SGCZ: variants seen among roughly 807,000 people sequenced by gnomAD.
SGCZ encodes zeta-sarcoglycan.
In SGCZ, 40 loss-of-function variants were observed where a neutral mutation model predicts 41.3. The ratio of observed to expected loss-of-function variants is 0.97; its 90% CI spans 0.75 to 1.26. SGCZ has a LOEUF of 1.26. SGCZ is among the 50% of genes most tolerant of loss of function. The pLI is 0.00. For synonymous variants in SGCZ, 206 were observed against 137.5 expected, an observed-to-expected ratio of 1.50 and a Z score of -3.49; for missense variants, 552 against 369.8, an observed-to-expected ratio of 1.49 and a Z score of -4.04.
At chr8:15,203,608 T>A (rs1800966836) in intron 1 of SGCZ, among the ~76,000 whole-genome samples, 1 of 152,226 alleles carries the variant, frequency 6.6e-6, no homozygotes, top group African/African-American at 2.4e-5. Context: ...CAGACAAATG[T>A]GGCATTCATA....
chr8:14,217,001 A>G (rs555270055), intron 4 of SGCZ, among the ~76,000 whole-genome samples: 1 of 152,306 alleles, frequency 6.6e-6, no homozygotes, highest in African/African-American at 2.4e-5. Context: ...ATAAAGCTCT[A>G]TAGAGGATGG....
chr8:15,049,125 G>C (rs1458500479), intron 1 of SGCZ, among the ~76,000 whole-genome samples: 2 of 152,116 alleles, frequency 1.3e-5, no homozygotes, highest in Admixed American at 6.6e-5. Context: ...TGAATATAAA[G>C]GATATGAAGA....
At position 14,460,396 on chromosome 8, in the gene SGCZ, T is replaced by C. The variant is rs1800868197; in HGVS notation, c.234+94336A>G. ...TTAGGATAATGAAGGCATTTATCAA[T>C]TAAATTTATCAATATACAAGAAATT... On this transcript the variant is annotated intron_variant, in intron 2 of 7. Coordinates refer to ENST00000382080, the MANE Select transcript of SGCZ (RefSeq NM_139167.4). Among the ~76,000 whole-genome samples, 5 of 152,210 alleles carry C rather than the reference T, an allele frequency of 3.3e-5. 1 individual carries two copies. In the South Asian group the frequency reaches 1.0e-3, roughly 32 times the overall value.
chr8:14,264,653 A>G (rs1799811726), intron 3 of SGCZ, among the ~76,000 whole-genome samples: 1 of 152,182 alleles, frequency 6.6e-6, no homozygotes, highest in African/African-American at 2.4e-5. Context: ...AATCTCGTGA[A>G]GAACAAGCAC....
chr8:14,818,166 C>G (rs1801963579), intron 1 of SGCZ, among the ~76,000 whole-genome samples: 2 of 152,128 alleles, frequency 1.3e-5, no homozygotes. Flanking sequence ...TGGTCACACT[C>G]ACACATTCAT....
intron 2 of SGCZ, among the ~76,000 whole-genome samples, chr8:14,363,959 G>C (rs1053961446): frequency 6.6e-6 from 1 of 151,796 alleles, no homozygotes; most frequent in Admixed American, 6.6e-5. Context: ...TTCAAATTGA[G>C]TGCAGAAGTA....
chr8:14,584,123 A>G (rs1804983161), intron 1 of SGCZ, among the ~76,000 whole-genome samples: 1 of 152,162 alleles, frequency 6.6e-6, no homozygotes, highest in Non-Finnish European at 1.5e-5. Context: ...GAGGCATGAA[A>G]TCACTGCTAC....
At chr8:14,804,481 A>T (rs1053055976) in intron 1 of SGCZ, among the ~76,000 whole-genome samples, 1 of 124,176 alleles carries the variant, frequency 8.1e-6, no homozygotes, top group African/African-American at 3.0e-5. Context: ...GGGTATCAGC[A>T]GTGGAAGATG....
At chr8:15,043,239 A>C (rs552557664) in intron 1 of SGCZ, among the ~76,000 whole-genome samples, 1 of 152,322 alleles carries the variant, frequency 6.6e-6, no homozygotes, top group Non-Finnish European at 1.5e-5. Context: ...AAAGCAGTAC[A>C]ATGTGGAAAC....
intron 1 of SGCZ, among the ~76,000 whole-genome samples, chr8:15,163,369 G>C (rs1345592829): frequency 3.9e-5 from 6 of 152,172 alleles, no homozygotes; most frequent in African/African-American, 1.4e-4. Context: ...TCAGCCTTCA[G>C]GCTGTCTTGA....
chr8:14,474,335 A>C (rs1179083422), intron 2 of SGCZ, among the ~76,000 whole-genome samples: 6 of 152,240 alleles, frequency 3.9e-5, no homozygotes, highest in Non-Finnish European at 7.3e-5. Context: ...AAATCCATGC[A>C]GTTGATTAAG....
intron 2 of SGCZ, among the ~76,000 whole-genome samples, chr8:14,537,336 T>A (rs1040262343): frequency 6.6e-6 from 1 of 151,930 alleles, no homozygotes; most frequent in Non-Finnish European, 1.5e-5. Context: ...TGTCTAAATA[T>A]GACAACCACA....
chr8:15,091,205 C>T (rs1806144234), intron 1 of SGCZ, among the ~76,000 whole-genome samples: 1 of 152,062 alleles, frequency 6.6e-6, no homozygotes, highest in South Asian at 2.1e-4. Context: ...TTTTCTTTTA[C>T]AGATGGGCCC....
At chr8:15,181,776 T>C (rs553253613) in intron 1 of SGCZ, among the ~76,000 whole-genome samples, 1 of 152,324 alleles carries the variant, frequency 6.6e-6, no homozygotes, top group South Asian at 2.1e-4. Context: ...GTCTGTATAA[T>C]TCATAACTCC....
At chr8:14,858,035 T>A (rs770016662) in intron 1 of SGCZ, among the ~76,000 whole-genome samples, 4 of 152,164 alleles carry the variant, frequency 2.6e-5, no homozygotes, top group Non-Finnish European at 5.9e-5. Context: ...TGGTCTGTAA[T>A]GTGAACTTTA....
intron 1 of SGCZ, among the ~76,000 whole-genome samples, chr8:14,657,446 T>C (rs1807612288): frequency 6.6e-6 from 1 of 152,098 alleles, no homozygotes; most frequent in African/African-American, 2.4e-5. Context: ...AAGTATTTTG[T>C]AAAATAAAGT....
chr8:14,481,686 G>C (rs1237630406), intron 2 of SGCZ, among the ~76,000 whole-genome samples: 1 of 151,856 alleles, frequency 6.6e-6, no homozygotes, highest in African/African-American at 2.4e-5. Context: ...CCTAACATTT[G>C]AATTTTATAC....
At chr8:15,190,653 T>C (rs1800505277) in intron 1 of SGCZ, among the ~76,000 whole-genome samples, 1 of 151,142 alleles carries the variant, frequency 6.6e-6, no homozygotes, top group African/African-American at 2.4e-5. Context: ...TTCAAAGTTT[T>C]TACATAAATT....
rs986353364 is a variant in SGCZ, at chr8:14,656,430, T to TC, written c.40-101505dup. On this transcript the variant is annotated intron_variant, in intron 1 of 7. Transcript: ENST00000382080. ...TCCTCTCCTCTCCTTCCTTCCTTCC[T>TC]CCCCCCTCTATCCCTCCCTTCCTTC... is the stretch of plus-strand genomic sequence containing the variant. 3.8e-5 allele frequency among the ~76,000 whole-genome samples: 5 copies of TC among 130,368 alleles called. No homozygotes were observed. In the South Asian group the frequency reaches 8.3e-4, roughly 22 times the overall value. The allele number at this position is 130,368 out of a possible 152,430, so 85.5% of individuals were successfully genotyped here.
Sources: allele counts gnomAD v4.1 joint callset (sites outside exome capture counted in the v4.1 genomes callset), GRCh38; gene constraint gnomAD v4.1.1; transcripts MANE v1.5; gene names NCBI Gene and HGNC (gene_info 2026-07-23, HGNC 2026-07-21).